C6: variants seen among roughly 807,000 people sequenced by gnomAD.
C6 encodes the protein complement component C6.
Under a neutral mutation model 112.9 loss-of-function variants are expected in C6, and 101 were observed. The ratio of observed to expected loss-of-function variants is 0.89; its 90% CI spans 0.76 to 1.06. The LOEUF is 1.06. C6 is among the 50% of genes least tolerant of loss of function. C6 has a pLI of 0.00. For missense variants in C6, 1,202 were observed against 1,104.6 expected (o/e 1.09, Z -1.25); for synonymous variants, 431 against 384.1 (o/e 1.12, Z -1.43).
At chr5:41,156,171 C>T (rs1400456140) in intron 13 of C6, among the ~76,000 whole-genome samples, 2 of 152,144 alleles carry the variant, frequency 1.3e-5, no homozygotes, top group Non-Finnish European at 2.9e-5. Context: ...CAAAACCCTG[C>T]CATTCTTCGA....
At chr5:41,163,986 G>T (rs1051151065) in intron 9 of C6, among the ~76,000 whole-genome samples, 1 of 151,796 alleles carries the variant, frequency 6.6e-6, no homozygotes, top group African/African-American at 2.4e-5. Context: ...GTCAGGCCCA[G>T]ATAAATATAA....
chr5:41,192,191 A>G (rs1362974203), intron 5 of C6, among the ~76,000 whole-genome samples: 1 of 152,094 alleles, frequency 6.6e-6, no homozygotes, highest in Non-Finnish European at 1.5e-5. Flanking sequence ...ATGTGATGAC[A>G]TTATTGATTT....
intron 17 of C6, among the ~76,000 whole-genome samples, chr5:41,144,938 G>A (rs1561084442): frequency 6.6e-6 from 1 of 152,172 alleles, no homozygotes; most frequent in Non-Finnish European, 1.5e-5. Flanking sequence ...TGGCTGCATA[G>A]CATTCCATGG....
intron 3 of C6, among the ~76,000 whole-genome samples, chr5:41,200,891 GTT>G (rs143443464): frequency 0.015 from 1,072 of 70,506 alleles, 9 homozygotes; most frequent in African/African-American, 0.023. Context: ...TGTTGTTGTT[GTT>G]TTTTTTTTTT....
At chr5:41,157,075 T>C (rs1746986242) in intron 13 of C6, among the ~76,000 whole-genome samples, 1 of 152,152 alleles carries the variant, frequency 6.6e-6, no homozygotes, top group Non-Finnish European at 1.5e-5. Context: ...ACAAGGGGCA[T>C]TTTGCCACTA....
At chr5:41,252,919 A>T (rs1400056786) in intron 1 of C6, among the ~76,000 whole-genome samples, 1 of 152,126 alleles carries the variant, frequency 6.6e-6, no homozygotes, top group Admixed American at 6.5e-5. Context: ...CTTTGCCTGT[A>T]ACTTTTGTCT....
chr5:41,162,114 C>T (rs886972152), intron 9 of C6, among the ~76,000 whole-genome samples: 3 of 152,166 alleles, frequency 2.0e-5, no homozygotes, highest in African/African-American at 7.2e-5. Context: ...TTACACACAT[C>T]TTATATAATT....
chr5:41,207,558 A>G (rs1293755468), intron 1 of C6, among the ~76,000 whole-genome samples: 3 of 152,218 alleles, frequency 2.0e-5, no homozygotes, highest in Admixed American at 6.5e-5. Context: ...GGAAAACAAA[A>G]AAAGGCAGGT....
chr5:41,180,031 C>A (rs1043091528), intron 7 of C6, among the ~76,000 whole-genome samples: 3 of 152,130 alleles, frequency 2.0e-5, no homozygotes, highest in African/African-American at 7.2e-5. Context: ...GAATTTCAAT[C>A]TATTCATCTG....
At chr5:41,234,354 T>TG (rs1344513064) in intron 1 of C6, among the ~76,000 whole-genome samples, 35 of 139,742 alleles carry the variant, frequency 2.5e-4, no homozygotes, top group African/African-American at 1.0e-3. Flanking sequence ...TTTTTTGTTT[T>TG]TTGTTTTTTG....
At chr5:41,202,097 A>G (rs1751074678) in intron 2 of C6, among the ~76,000 whole-genome samples, 1 of 152,188 alleles carries the variant, frequency 6.6e-6, no homozygotes, top group Non-Finnish European at 1.5e-5. Flanking sequence ...AAGGAGAGAA[A>G]GATCCTGCAA....
chr5:41,186,226 T>C lies in C6; in HGVS notation c.588-18A>G. ...AATGAAACCTAGAAACAAAGTAATTTTCAGGAATTCAACAGATGTAGAACA... is the reference window on the plus strand; with the variant it reads ...AATGAAACCTAGAAACAAAGTAATTCTCAGGAATTCAACAGATGTAGAACA... On this transcript the variant is annotated intron_variant, in intron 5 of 17. Transcript: ENST00000337836. The C allele has an allele frequency of 1.2e-6, 2 of 1,613,314 alleles. No individual in the cohort carries two copies. Among genetic ancestry groups the C allele is most frequent in the South Asian group, 1.1e-5 (1 of 91,048 alleles).
chr5:41,152,584 T>C (rs1462339216), intron 15 of C6, among the ~76,000 whole-genome samples: 3 of 152,168 alleles, frequency 2.0e-5, no homozygotes, highest in South Asian at 4.1e-4. Context: ...AAAATAAAGA[T>C]GTAAAAAATT....
In C6 at chr5:41,204,762, C is replaced by T. The variant is rs576669835; in HGVS notation, c.-20-1512G>A. ...TCGGCTCACTGCAAGCTCTGCCTCC[C>T]GGGTTCATGCCATTCTCCTGCCTCA... is the stretch of plus-strand genomic sequence containing the variant. On this transcript the variant is annotated intron_variant, in intron 1 of 17. Transcript: ENST00000337836. Among the ~76,000 whole-genome samples, 94 of 148,626 alleles carry T rather than the reference C, an allele frequency of 6.3e-4. 1 individual carries two copies. The highest frequency in any genetic ancestry group is 2.1e-3 in the African/African-American group (85 of 39,958).
chr5:41,202,942 G>C (rs1444618931), intron 2 of C6, 146 bp downstream of exon 2: 1 of 830,150 alleles, frequency 1.2e-6, no homozygotes, highest in Non-Finnish European at 2.1e-6. Context: ...CCTCATAAGA[G>C]AGAGACTTCA....
At chr5:41,247,891 A>G (rs6872028) in intron 1 of C6, among the ~76,000 whole-genome samples, 6,252 of 152,240 alleles carry the variant, frequency 0.041, 432 homozygotes, top group African/African-American at 0.14. Context: ...TAAGCAAAAA[A>G]AACAAAGCTG....
chr5:41,146,838 C>T (rs1024580031), intron 17 of C6, among the ~76,000 whole-genome samples: 4 of 149,248 alleles, frequency 2.7e-5, no homozygotes, highest in African/African-American at 7.4e-5. Flanking sequence ...ACAGGTATTT[C>T]GATAAAATTG....
At chr5:41,241,878 C>T (rs977661454) in intron 1 of C6, among the ~76,000 whole-genome samples, 3 of 152,150 alleles carry the variant, frequency 2.0e-5, no homozygotes, top group African/African-American at 7.2e-5. Context: ...TGTGAAAAGA[C>T]AGCTGGTGGA....
In C6 at chr5:41,230,694, C is replaced by T. The variant is rs145240293; in HGVS notation, c.-20-27444G>A. ...TGATCCTTGTGACCTACTCTCTGTT[C>T]GTACACCCCCTCCCCTTTTAAAATC... is the stretch of plus-strand genomic sequence containing the variant. On this transcript the variant is annotated intron_variant, in intron 1 of 17. Transcript: ENST00000263413. Among the ~76,000 whole-genome samples the T allele has an allele frequency of 1.6e-3, 250 of 152,186 alleles. 16 individuals carry two copies. In the East Asian group the frequency reaches 0.044, roughly 27 times the overall value.
Sources: allele counts gnomAD v4.1 joint callset (sites outside exome capture counted in the v4.1 genomes callset), GRCh38; gene constraint gnomAD v4.1.1; transcripts MANE v1.5; gene names NCBI Gene and HGNC (gene_info 2026-07-23, HGNC 2026-07-21).